Variants in RALGAPA2 observed in about 807,000 individuals in gnomAD.
RALGAPA2 encodes the protein Ral GTPase activating protein catalytic subunit alpha 2, also known as ral GTPase-activating protein subunit alpha-2.
Under a neutral mutation model 230.4 loss-of-function variants are expected in RALGAPA2, and 139 were observed. The ratio of observed to expected loss-of-function variants is 0.60; its 90% CI spans 0.53 to 0.69. The LOEUF is 0.69. Among genes scored for constraint, RALGAPA2 ranks in the 30% least tolerant of loss-of-function variants. The probability of loss-of-function intolerance (pLI) is 0.00; values close to 1 mark genes in which losing one functional copy is unlikely to be tolerated. For synonymous variants in RALGAPA2, 847 were observed against 837.8 expected, an observed-to-expected ratio of 1.01 and a Z score of -0.19; for missense variants, 2,163 against 2,276.0, an observed-to-expected ratio of 0.95 and a Z score of 1.01.
intron 37 of RALGAPA2, among the ~76,000 whole-genome samples, chr20:20,443,820 C>T (rs2060797944): frequency 6.6e-6 from 1 of 152,248 alleles, no homozygotes; most frequent in Non-Finnish European, 1.5e-5. Flanking sequence ...TAGCTGTTAG[C>T]CACTATTCTC....
At chr20:20,409,780 GCT>G (rs2060022130) in intron 38 of RALGAPA2, among the ~76,000 whole-genome samples, 2 of 152,206 alleles carry the variant, frequency 1.3e-5, no homozygotes, top group African/African-American at 4.8e-5. Context: ...GTGCTGAAAT[GCT>G]CTGTCCTCAT....
intron 27 of RALGAPA2, among the ~76,000 whole-genome samples, chr20:20,531,478 G>C (rs1481324914): frequency 1.3e-5 from 2 of 152,234 alleles, no homozygotes; most frequent in African/African-American, 4.8e-5. Context: ...CACTGGTCCA[G>C]GAAGACTCGA....
chr20:20,484,058 C>T (rs2061846007), intron 36 of RALGAPA2, among the ~76,000 whole-genome samples: 1 of 152,114 alleles, frequency 6.6e-6, no homozygotes, highest in Non-Finnish European at 1.5e-5. Context: ...ACAGTTTCCC[C>T]CTCTGGGAAA....
Position 20,391,868 on chromosome 20 carries a change from G to A in RALGAPA2, c.*1421C>T, listed in dbSNP as rs2059608489. The A allele has an allele frequency of 6.6e-6, 1 of 152,614 alleles. No homozygotes were observed. Among genetic ancestry groups the A allele is most frequent in the African/African-American group, 2.4e-5 (1 of 41,488 alleles). The allele number at this position is 152,614 out of a possible 1,614,324, so 9.5% of individuals were successfully genotyped here. On this transcript the variant is annotated 3_prime_UTR_variant, in exon 40 of 40. Transcript: ENST00000202677. ...CATCATAAGCCCTGAGTTAGGGGCT[G>A]CGTCTCTCGTGCTGCTGTCCCTTCC... is the stretch of plus-strand genomic sequence containing the variant.
rs1243744592 is a variant in RALGAPA2 at position 20,472,956 on chromosome 20, CCTGTTGATTTGAAATGGAAA to C, written c.5368-20_5368-1del. 1.1e-5 allele frequency: 17 copies of C among 1,591,066 alleles called. No individual in the cohort carries two copies. Among genetic ancestry groups the C allele is most frequent in the African/African-American group, 1.4e-5 (1 of 73,230 alleles). On this transcript the variant is annotated splice_acceptor_variant and splice_polypyrimidine_tract_variant and intron_variant, in intron 36 of 39. Transcript: ENST00000202677. LOFTEE classifies it high-confidence loss of function. ...TCAAACAGAGGCCCAAAAAATGGAA[CCTGTTGATTTGAAATGGAAA>C]AACAAATTTTAAAAACTGATAAAAG...
chr20:20,472,884 T>C lies in RALGAPA2; in HGVS notation c.5440A>G (p.Thr1814Ala), dbSNP rs1171547370. 2.5e-6 allele frequency: 4 copies of C among 1,613,674 alleles called. No individual in the cohort carries two copies. The highest frequency in any genetic ancestry group is 1.1e-5 in the South Asian group (1 of 91,072). The change falls in exon 37 of 40, where the codon ACG (threonine) becomes GCG (alanine). Residue 1814 changes from threonine (T) to alanine (A), a missense_variant. By Grantham distance (58) the Thr-to-Ala change is moderately conservative (BLOSUM62 0). Coordinates refer to ENST00000202677, the MANE Select transcript of RALGAPA2 (RefSeq NM_020343.4). ...ACAGCCCTGCTGGCGTTGATGCACG[T>C]GGCACATACAAGGCTTGGCAGCAGC... ...GKLLPSLVCATCINASRAVKC... is the reference protein window; with the variant it reads ...GKLLPSLVCAACINASRAVKC...
At chr20:20,462,641 C>G (rs904635716) in intron 37 of RALGAPA2, among the ~76,000 whole-genome samples, 1 of 152,108 alleles carries the variant, frequency 6.6e-6, no homozygotes, top group East Asian at 1.9e-4. Context: ...GCATTTGGGT[C>G]GTACTCACCC....
chr20:20,619,159 G>C (rs1475004762), intron 12 of RALGAPA2, 118 bp downstream of exon 12: 6 of 1,049,620 alleles, frequency 5.7e-6, no homozygotes, highest in African/African-American at 4.9e-5. Context: ...ATCGTTTACT[G>C]ACAGATGGCT....
At chr20:20,617,522 C>T (rs572315684) in intron 12 of RALGAPA2, among the ~76,000 whole-genome samples, 1 of 152,312 alleles carries the variant, frequency 6.6e-6, no homozygotes, top group South Asian at 2.1e-4. Flanking sequence ...TATTGCAACA[C>T]AGATCCTTTT....
At chr20:20,668,854 C>T (rs1394640059) in intron 3 of RALGAPA2, among the ~76,000 whole-genome samples, 2 of 152,140 alleles carry the variant, frequency 1.3e-5, no homozygotes, top group African/African-American at 4.8e-5. Flanking sequence ...GTTAGCCCGA[C>T]AGAGCACTTC....
chr20:20,675,702 A>G (rs1194536218), intron 3 of RALGAPA2, among the ~76,000 whole-genome samples: 3 of 152,160 alleles, frequency 2.0e-5, no homozygotes, highest in Non-Finnish European at 4.4e-5. Context: ...ATGCACACAG[A>G]TATACAGATG....
At chr20:20,686,209 G>C (rs1287512761) in intron 1 of RALGAPA2, among the ~76,000 whole-genome samples, 1 of 152,146 alleles carries the variant, frequency 6.6e-6, no homozygotes, top group Non-Finnish European at 1.5e-5. Flanking sequence ...CAGGACCTTG[G>C]ACAAGTTATT....
chr20:20,409,273 C>CT (rs1426413161), intron 38 of RALGAPA2, among the ~76,000 whole-genome samples: 1 of 152,210 alleles, frequency 6.6e-6, no homozygotes, highest in African/African-American at 2.4e-5. Flanking sequence ...GGGGCTTTCC[C>CT]TCTAGAAGTG....
chr20:20,620,553 G>T lies in RALGAPA2; in HGVS notation c.1311C>A (p.Asp437Glu). ...VQVYRKWILQ[D>E]KPVFMEEPDR... ...CTGGCTCCTCCATGAACACAGGTTT[G>T]TCCTGGAGAATCCACTTTCTGTACA... The change falls in exon 11 of 40, where the codon GAC becomes GAA. Residue 437 changes from aspartate (D) to glutamate (E), a missense_variant. Asp to Glu is a conservative substitution (Grantham distance 45). Transcript: ENST00000202677. 6.2e-7 allele frequency: 1 copy of T among 1,613,808 alleles called. No homozygotes were observed. Among genetic ancestry groups the T allele is most frequent in the Non-Finnish European group, 8.5e-7 (1 of 1,179,778 alleles).
chr20:20,401,805 T>G (rs1283610886), intron 38 of RALGAPA2, among the ~76,000 whole-genome samples: 1 of 152,240 alleles, frequency 6.6e-6, no homozygotes, highest in East Asian at 1.9e-4. Context: ...GGCCCATAAT[T>G]AAGATACTTC....
chr20:20,574,385 CTG>C (rs1160924218), intron 20 of RALGAPA2, among the ~76,000 whole-genome samples: 1 of 152,134 alleles, frequency 6.6e-6, no homozygotes, highest in Non-Finnish European at 1.5e-5. Flanking sequence ...AAATATGAAA[CTG>C]TGCATTGAAA....
intron 18 of RALGAPA2, among the ~76,000 whole-genome samples, chr20:20,585,320 T>C (rs1377125426): frequency 2.0e-5 from 3 of 152,176 alleles, no homozygotes; most frequent in African/African-American, 7.2e-5. Flanking sequence ...TGCACACAAA[T>C]GATAAGTGTG....
chr20:20,611,201 T>A, intron 14 of RALGAPA2, 114 bp downstream of exon 14: 3 of 1,333,334 alleles, frequency 2.3e-6, no homozygotes, highest in South Asian at 2.1e-5. Flanking sequence ...AGAAGAAAAA[T>A]TTCTAGAAAT....
intron 37 of RALGAPA2, among the ~76,000 whole-genome samples, chr20:20,466,333 T>C (rs997214337): frequency 3.9e-5 from 6 of 152,244 alleles, no homozygotes; most frequent in Admixed American, 6.5e-5. Context: ...ACAACTGCAG[T>C]TAAAACAAAG....
Sources: allele counts gnomAD v4.1 joint callset (sites outside exome capture counted in the v4.1 genomes callset), GRCh38; gene constraint gnomAD v4.1.1; transcripts MANE v1.5; gene names NCBI Gene and HGNC (gene_info 2026-07-23, HGNC 2026-07-21).